Variants in ATRNL1 observed in about 807,000 individuals in gnomAD.
The protein encoded by ATRNL1 is attractin like 1.
In ATRNL1, 95 loss-of-function variants were observed where a neutral mutation model predicts 182.7. That is an observed-to-expected ratio of 0.52 (90% CI 0.44 to 0.62). The LOEUF is 0.62. Ranked by LOEUF, ATRNL1 falls within the 20% of genes least tolerant of loss-of-function variation. The probability of loss-of-function intolerance (pLI) is 0.00; values close to 1 mark genes in which losing one functional copy is unlikely to be tolerated. For synonymous variants in ATRNL1, 576 were observed against 568.3 expected (o/e 1.01, Z -0.19); for missense variants, 1,471 against 1,679.5 (o/e 0.88, Z 2.17).
At chr10:115,181,684 CA>C (rs2144162714) in intron 8 of ATRNL1, among the ~76,000 whole-genome samples, 1 of 151,696 alleles carries the variant, frequency 6.6e-6, no homozygotes, top group South Asian at 2.1e-4. Flanking sequence ...AACAATAAAA[CA>C]GAAGTTTTTT....
intron 27 of ATRNL1, among the ~76,000 whole-genome samples, chr10:115,801,654 A>G (rs192643687): frequency 6.6e-6 from 1 of 152,180 alleles, no homozygotes; most frequent in Non-Finnish European, 1.5e-5. Flanking sequence ...TAGTGTCAAC[A>G]TTAACATGAC....
At chr10:115,111,811 T>C (rs533722922) in intron 1 of ATRNL1, among the ~76,000 whole-genome samples, 4 of 152,272 alleles carry the variant, frequency 2.6e-5, no homozygotes, top group African/African-American at 9.6e-5. Context: ...ACTATATCAA[T>C]ACTGAATTGG....
At chr10:115,323,460 T>C (rs1180817535) in intron 18 of ATRNL1, among the ~76,000 whole-genome samples, 5 of 119,600 alleles carry the variant, frequency 4.2e-5, no homozygotes, top group African/African-American at 1.3e-4. Flanking sequence ...CATTTATTTA[T>C]TGAGACAGAG....
chr10:115,508,695 C>T (rs561817423), intron 24 of ATRNL1, among the ~76,000 whole-genome samples: 1 of 152,062 alleles, frequency 6.6e-6, no homozygotes, highest in East Asian at 1.9e-4. Context: ...TTCTTCAATT[C>T]TACAAAGTCT....
chr10:115,578,248 A>C (rs1293249191), intron 26 of ATRNL1, among the ~76,000 whole-genome samples: 1 of 151,824 alleles, frequency 6.6e-6, no homozygotes, highest in Admixed American at 6.6e-5. Flanking sequence ...CTTTGATGTC[A>C]GGGTGATACT....
chr10:115,130,355 A>G (rs1454741774), intron 5 of ATRNL1, among the ~76,000 whole-genome samples: 1 of 152,124 alleles, frequency 6.6e-6, no homozygotes, highest in Non-Finnish European at 1.5e-5. Flanking sequence ...AATAGTAGCA[A>G]TAGTTCCCAA....
At chr10:115,666,582 T>G (rs1397591094) in intron 26 of ATRNL1, among the ~76,000 whole-genome samples, 1 of 152,136 alleles carries the variant, frequency 6.6e-6, no homozygotes, top group Non-Finnish European at 1.5e-5. Flanking sequence ...ATGCCTCATA[T>G]TTTTTCCCCA....
At chr10:115,682,535 C>T (rs544059577) in intron 26 of ATRNL1, among the ~76,000 whole-genome samples, 11 of 151,804 alleles carry the variant, frequency 7.2e-5, no homozygotes, top group African/African-American at 2.4e-4. Context: ...AGTGAGATGC[C>T]ATCTCAAACA....
intron 24 of ATRNL1, among the ~76,000 whole-genome samples, chr10:115,490,358 A>G (rs995009308): frequency 2.6e-5 from 4 of 152,184 alleles, no homozygotes; most frequent in Admixed American, 2.0e-4. Flanking sequence ...ACTTTCTGCT[A>G]TACCAATCAA....
chr10:115,771,775 G>T (rs1342346003), intron 27 of ATRNL1, among the ~76,000 whole-genome samples: 1 of 152,144 alleles, frequency 6.6e-6, no homozygotes, highest in African/African-American at 2.4e-5. Flanking sequence ...GAATCCCAAT[G>T]CCTTGATTGG....
chr10:115,572,059 AT>A (rs1458517709), intron 26 of ATRNL1, among the ~76,000 whole-genome samples: 5 of 152,314 alleles, frequency 3.3e-5, no homozygotes, highest in Admixed American at 2.0e-4. Flanking sequence ...GGAATGAAGA[AT>A]TATTGCAAAT....
chr10:115,571,456 T>A (rs567378125), intron 26 of ATRNL1, among the ~76,000 whole-genome samples: 1 of 152,330 alleles, frequency 6.6e-6, no homozygotes, highest in East Asian at 1.9e-4. Flanking sequence ...TATTACTGCA[T>A]GTTATATTCC....
chr10:115,746,774 G>A (rs1948304326), intron 27 of ATRNL1, among the ~76,000 whole-genome samples: 1 of 152,010 alleles, frequency 6.6e-6, no homozygotes, highest in African/African-American at 2.4e-5. Context: ...TCTGATTTCT[G>A]CTGCTCTAAC....
intron 22 of ATRNL1, among the ~76,000 whole-genome samples, chr10:115,462,608 C>G (rs1359398830): frequency 1.3e-5 from 2 of 151,972 alleles, no homozygotes; most frequent in Non-Finnish European, 2.9e-5. Context: ...GAGACTCCAT[C>G]TCAAAAAATA....
At chr10:115,821,586 G>A (rs782753518) in intron 27 of ATRNL1, among the ~76,000 whole-genome samples, 10 of 152,142 alleles carry the variant, frequency 6.6e-5, no homozygotes, top group Non-Finnish European at 1.5e-4. Context: ...TAAAGGGATG[G>A]AGGAAGATTT....
chr10:115,348,631 T>C (rs191919759), intron 19 of ATRNL1, among the ~76,000 whole-genome samples: 1 of 152,242 alleles, frequency 6.6e-6, no homozygotes, highest in Non-Finnish European at 1.5e-5. Context: ...AGGAATATCC[T>C]TGAACTCCAT....
chr10:115,695,409 CT>C (rs562258031), intron 26 of ATRNL1, among the ~76,000 whole-genome samples: 2 of 151,780 alleles, frequency 1.3e-5, no homozygotes, highest in Admixed American at 6.6e-5. Context: ...TTTCAACATT[CT>C]TTTTTTTGAA....
At chr10:115,575,008 T>C (rs183489185) in intron 26 of ATRNL1, among the ~76,000 whole-genome samples, 3 of 152,310 alleles carry the variant, frequency 2.0e-5, no homozygotes, top group African/African-American at 7.2e-5. Flanking sequence ...TAACTAAACT[T>C]ATAGATATTT....
chr10:115,198,283 A>G (rs56412927), intron 8 of ATRNL1, among the ~76,000 whole-genome samples: 2,342 of 152,170 alleles, frequency 0.015, 38 homozygotes, highest in Non-Finnish European at 0.024. Context: ...ACATTTTTTC[A>G]TATACCTGTT....
Sources: allele counts gnomAD v4.1 joint callset (sites outside exome capture counted in the v4.1 genomes callset), GRCh38; gene constraint gnomAD v4.1.1; transcripts MANE v1.5; gene names NCBI Gene and HGNC (gene_info 2026-07-23, HGNC 2026-07-21).